Variants in STS observed in about 807,000 individuals in gnomAD.
The protein encoded by STS is steryl-sulfatase.
In STS, 7 loss-of-function variants were observed where a neutral mutation model predicts 26.8. That is an observed-to-expected ratio of 0.26 (90% confidence interval 0.15 to 0.49). The LOEUF is 0.49. Ranked by LOEUF, STS falls within the 20% of genes least tolerant of loss-of-function variation. The probability of loss-of-function intolerance (pLI) is 0.98; values close to 1 mark genes in which losing one functional copy is unlikely to be tolerated. For synonymous variants in STS, 199 were observed against 189.4 expected, an observed-to-expected ratio of 1.05 and a Z score of -0.42; for missense variants, 434 against 465.6, an observed-to-expected ratio of 0.93 and a Z score of 0.63.
chrX:7,189,755 C>T (rs187922878), intron 1 of STS, among the ~76,000 whole-genome samples: 2 of 111,546 alleles, frequency 1.8e-5, no homozygotes, highest in African/African-American at 3.3e-5. Flanking sequence ...GAAAGGACAG[C>T]TGTCACATGA....
chrX:7,157,845 T>C (rs1254360873), intron 1 of STS, among the ~76,000 whole-genome samples: 1 of 111,258 alleles, frequency 9.0e-6, no homozygotes, highest in African/African-American at 3.3e-5. Flanking sequence ...CATCCACATA[T>C]CAAGACAAAT....
chrX:7,336,239 G>GT (rs1555968793), intron 10 of STS, among the ~76,000 whole-genome samples: 1 of 88,735 alleles, frequency 1.1e-5, no homozygotes, highest in Non-Finnish European at 2.2e-5. Context: ...ACCTAGGACT[G>GT]CCCCCCCCAC....
intron 2 of STS, among the ~76,000 whole-genome samples, chrX:7,241,001 G>C (rs1359694002): frequency 9.0e-6 from 1 of 111,363 alleles, no homozygotes; most frequent in Non-Finnish European, 1.9e-5. Context: ...AAAGGAAAAA[G>C]ATAAATGCCC....
intron 1 of STS, among the ~76,000 whole-genome samples, 96 bp from the exon 2 acceptor site, chrX:7,190,784 A>C (rs1010707972): frequency 1.8e-5 from 2 of 110,264 alleles, no homozygotes; most frequent in African/African-American, 6.6e-5. Flanking sequence ...AAAAATACTA[A>C]TAATAAATAA....
chrX:7,320,053 TTATA>T (rs1195502531), intron 8 of STS, among the ~76,000 whole-genome samples: 3 of 95,378 alleles, frequency 3.1e-5, no homozygotes, highest in African/African-American at 1.1e-4. Context: ...TTATATATAT[TTATA>T]TATATATTTT....
intron 7 of STS, among the ~76,000 whole-genome samples, chrX:7,287,739 G>A (rs1374086084): frequency 9.2e-6 from 1 of 108,439 alleles, no homozygotes; most frequent in African/African-American, 3.4e-5. Flanking sequence ...ATTCTGTAAA[G>A]CTGTGTGAAC....
intron 2 of STS, among the ~76,000 whole-genome samples, chrX:7,206,590 T>C (rs752995401): frequency 8.9e-6 from 1 of 112,468 alleles, no homozygotes; most frequent in African/African-American, 3.2e-5. Context: ...ATTCATCCTA[T>C]TTGATAAAGA....
intron 1 of STS, among the ~76,000 whole-genome samples, chrX:7,164,616 G>T (rs912417886): frequency 9.1e-6 from 1 of 110,493 alleles, no homozygotes; most frequent in Admixed American, 9.7e-5. Flanking sequence ...CGAATCTGGG[G>T]GACAGAGTGA....
At chrX:7,294,372 A>G (rs1396386071) in intron 7 of STS, among the ~76,000 whole-genome samples, 1 of 111,177 alleles carries the variant, frequency 9.0e-6, no homozygotes, top group Non-Finnish European at 1.9e-5. Context: ...GTTATCAATT[A>G]TCATGACCAC....
chrX:7,260,287 G>T (rs1329781412), intron 6 of STS, among the ~76,000 whole-genome samples: 1 of 112,756 alleles, frequency 8.9e-6, no homozygotes, highest in African/African-American at 3.2e-5. Flanking sequence ...GTATTGCAAT[G>T]CAGTGTGCTC....
chrX:7,187,208 C>T (rs1933789217), intron 1 of STS, among the ~76,000 whole-genome samples: 1 of 112,347 alleles, frequency 8.9e-6, no homozygotes, highest in African/African-American at 3.2e-5. Context: ...AAATTCTCGG[C>T]ACCATACTCT....
chrX:7,336,526 CA>C (rs1463345666), intron 10 of STS, among the ~76,000 whole-genome samples: 1 of 111,650 alleles, frequency 9.0e-6, no homozygotes, highest in East Asian at 2.8e-4. Flanking sequence ...TTCTAGAAGA[CA>C]AAAAAACAAC....
intron 6 of STS, among the ~76,000 whole-genome samples, chrX:7,269,644 G>A (rs1355750592): frequency 9.0e-6 from 1 of 111,002 alleles, no homozygotes; most frequent in Non-Finnish European, 1.9e-5. Flanking sequence ...CTGGTATTGT[G>A]TGTCAGCAGA....
intron 5 of STS, among the ~76,000 whole-genome samples, chrX:7,257,797 A>G (rs894718892): frequency 9.8e-6 from 1 of 101,722 alleles, no homozygotes; most frequent in Middle Eastern, 4.6e-3. Flanking sequence ...ACTCAAATGT[A>G]TAGATGTGTG....
chrX:7,212,568 G>A (rs1475218194), intron 2 of STS, among the ~76,000 whole-genome samples: 3 of 112,136 alleles, frequency 2.7e-5, no homozygotes, highest in South Asian at 3.7e-4. Context: ...TATACAATGC[G>A]TACCTTTGAC....
chrX:7,345,757 T>C (rs1928495956), intron 10 of STS, among the ~76,000 whole-genome samples: 1 of 111,718 alleles, frequency 9.0e-6, no homozygotes, highest in Non-Finnish European at 1.9e-5. Flanking sequence ...ACAGATGTCA[T>C]GGAGGCCTGC....
chrX:7,327,344 C>A (rs1927526374), intron 9 of STS, among the ~76,000 whole-genome samples: 1 of 108,903 alleles, frequency 9.2e-6, no homozygotes, highest in South Asian at 4.0e-4. Context: ...GATTCTAGAC[C>A]TTTCTAGACC....
At chrX:7,166,338 C>A (rs1933350061) in intron 1 of STS, among the ~76,000 whole-genome samples, 1 of 110,999 alleles carries the variant, frequency 9.0e-6, no homozygotes, top group Non-Finnish European at 1.9e-5. Context: ...TCATTTAATA[C>A]TTTTCTCTTT....
chrX:7,265,542 G>C (rs760517572), intron 6 of STS, among the ~76,000 whole-genome samples: 100 of 112,094 alleles, frequency 8.9e-4, no homozygotes, highest in Middle Eastern at 9.2e-3. Flanking sequence ...CTAATTATTA[G>C]AGAGCTGAGA....
Sources: allele counts gnomAD v4.1 joint callset (sites outside exome capture counted in the v4.1 genomes callset), GRCh38; gene constraint gnomAD v4.1.1; transcripts MANE v1.5; gene names NCBI Gene and HGNC (gene_info 2026-07-23, HGNC 2026-07-21).